APBB2: variants seen among roughly 807,000 people sequenced by gnomAD.
The protein encoded by APBB2 is Fe65-like 1.
Under a neutral mutation model 82.5 loss-of-function variants are expected in APBB2, and 38 were observed. The ratio of observed to expected loss-of-function variants is 0.46; its 90% CI spans 0.36 to 0.60. APBB2 has a LOEUF of 0.60. Among genes scored for constraint, APBB2 ranks in the 20% least tolerant of loss-of-function variants. APBB2 has a pLI of 0.00. For missense variants in APBB2, 772 were observed against 972.3 expected (o/e 0.79, Z 2.74); for synonymous variants, 341 against 368.2 (o/e 0.93, Z 0.85).
At chr4:41,063,457 G>A (rs1054805118) in intron 4 of APBB2, among the ~76,000 whole-genome samples, 6 of 152,164 alleles carry the variant, frequency 3.9e-5, no homozygotes, top group African/African-American at 1.4e-4. Context: ...GATAATTTCA[G>A]AGTAAATCTG....
At chr4:41,019,655 C>G (rs528874668) in intron 5 of APBB2, among the ~76,000 whole-genome samples, 2 of 152,102 alleles carry the variant, frequency 1.3e-5, no homozygotes, top group South Asian at 4.2e-4. Context: ...CTGGAGAAAG[C>G]AGGAAATCAG....
intron 7 of APBB2, among the ~76,000 whole-genome samples, chr4:40,937,417 A>G (rs547992745): frequency 4.6e-5 from 7 of 152,264 alleles, no homozygotes; most frequent in Non-Finnish European, 1.0e-4. Flanking sequence ...CTCTTTGGAC[A>G]TAAGGGTATC....
At chr4:40,835,709 C>T (rs1753679532) in intron 12 of APBB2, among the ~76,000 whole-genome samples, 1 of 152,176 alleles carries the variant, frequency 6.6e-6, no homozygotes, top group Admixed American at 6.5e-5. Context: ...ACAGGTGACC[C>T]CATGTGATTT....
chr4:40,964,990 CGT>C (rs1351384711), intron 6 of APBB2, among the ~76,000 whole-genome samples: 2 of 151,934 alleles, frequency 1.3e-5, no homozygotes, highest in Admixed American at 6.6e-5. Flanking sequence ...CGTGGTGGCA[CGT>C]GCCTGTAGTC....
At position 41,115,516 on chromosome 4, in the gene APBB2, T is replaced by C. The variant is rs545589184; in HGVS notation, c.-260-14766A>G. Among the ~76,000 whole-genome samples the C allele has an allele frequency of 7.0e-4, 107 of 152,228 alleles. 1 individual carries two copies. The highest frequency in any genetic ancestry group is 1.2e-3 in the South Asian group (6 of 4,826). ...AGAGCTTCTGCACAGCAAGGGAAAC[T>C]ATCATCAGAGTGAACAGGCAACCTA... is the stretch of plus-strand genomic sequence containing the variant. On this transcript the variant is annotated intron_variant, in intron 2 of 17. Transcript: ENST00000508593.
intron 12 of APBB2, among the ~76,000 whole-genome samples, chr4:40,849,945 A>C (rs1758813412): frequency 6.6e-6 from 1 of 152,052 alleles, no homozygotes; most frequent in African/African-American, 2.4e-5. Context: ...TCTGGTCTCA[A>C]ACTCCTGACC....
intron 3 of APBB2, among the ~76,000 whole-genome samples, chr4:41,075,046 C>A (rs567075623): frequency 3.3e-5 from 5 of 152,182 alleles, no homozygotes; most frequent in Non-Finnish European, 7.4e-5. Flanking sequence ...GGCAGGAGGA[C>A]TGCTTGAGCC....
chr4:40,989,724 G>A (rs1339158264), intron 6 of APBB2, among the ~76,000 whole-genome samples: 1 of 152,188 alleles, frequency 6.6e-6, no homozygotes, highest in African/African-American at 2.4e-5. Flanking sequence ...GCTGTCCCAA[G>A]CTTTAAGCTG....
intron 2 of APBB2, among the ~76,000 whole-genome samples, chr4:41,106,283 T>C (rs1747216848): frequency 6.6e-6 from 1 of 152,186 alleles, no homozygotes; most frequent in African/African-American, 2.4e-5. Flanking sequence ...ACTATCTCAT[T>C]TCCCTTTGTG....
rs1376964467 is a variant in APBB2 at position 40,814,731 on chromosome 4, T to C, written c.*1361A>G. On this transcript the variant is annotated 3_prime_UTR_variant, in exon 18 of 18. Coordinates refer to ENST00000508593, the MANE Select transcript of APBB2 (RefSeq NM_004307.2). ...GCAACTTCCTTTTAAAACGACAATG[T>C]CAACGAGAGTCTAAATTTGTATGTC... is the stretch of plus-strand genomic sequence containing the variant. The C allele has an allele frequency of 1.3e-5, 2 of 152,202 alleles. No homozygotes were observed. The highest frequency in any genetic ancestry group is 4.8e-5 in the African/African-American group (2 of 41,458). 9.4% of individuals were successfully genotyped at this position (152,202 alleles called of 1,614,324 possible).
At chr4:40,909,724 C>T (rs1778034772) in intron 10 of APBB2, among the ~76,000 whole-genome samples, 1 of 152,096 alleles carries the variant, frequency 6.6e-6, no homozygotes, top group Admixed American at 6.6e-5. Flanking sequence ...ATCTGATAAT[C>T]ACTTATAATC....
chr4:41,072,267 T>G (rs1308807710), intron 3 of APBB2, among the ~76,000 whole-genome samples: 1 of 152,186 alleles, frequency 6.6e-6, no homozygotes, highest in African/African-American at 2.4e-5. Context: ...GGGTTTAACC[T>G]GCCCATTAAA....
At chr4:41,161,568 C>T (rs1290252127) in intron 1 of APBB2, among the ~76,000 whole-genome samples, 4 of 152,002 alleles carry the variant, frequency 2.6e-5, no homozygotes, top group African/African-American at 7.3e-5. Flanking sequence ...ATTGTGCCAC[C>T]GCCCTCCAGC....
chr4:41,212,928 C>T (rs1209361061), intron 1 of APBB2, among the ~76,000 whole-genome samples: 1 of 152,156 alleles, frequency 6.6e-6, no homozygotes, highest in Non-Finnish European at 1.5e-5. Context: ...TGCTTACAAG[C>T]TACAAGTTGA....
At chr4:41,104,633 TC>T (rs1378891592) in intron 2 of APBB2, among the ~76,000 whole-genome samples, 3 of 152,158 alleles carry the variant, frequency 2.0e-5, no homozygotes, top group Non-Finnish European at 2.9e-5. Flanking sequence ...CTCACCCTCC[TC>T]CCACCCTTGG....
chr4:41,105,622 C>T (rs533752835), intron 2 of APBB2, among the ~76,000 whole-genome samples: 1 of 152,264 alleles, frequency 6.6e-6, no homozygotes, highest in South Asian at 2.1e-4. Context: ...CAGTGGCTCA[C>T]GCCTGTAATC....
At chr4:40,911,339 T>C (rs1439961311) in intron 10 of APBB2, among the ~76,000 whole-genome samples, 1 of 152,166 alleles carries the variant, frequency 6.6e-6, no homozygotes, top group Admixed American at 6.5e-5. Flanking sequence ...GCTTATGTTC[T>C]AAGGAATGTT....
At chr4:40,837,012 G>A (rs1033461037) in intron 12 of APBB2, among the ~76,000 whole-genome samples, 5 of 152,178 alleles carry the variant, frequency 3.3e-5, no homozygotes, top group Non-Finnish European at 5.9e-5. Context: ...GATGCTAAAG[G>A]CCACTGTGGT....
At chr4:40,984,466 A>G (rs1409160356) in intron 6 of APBB2, among the ~76,000 whole-genome samples, 1 of 152,086 alleles carries the variant, frequency 6.6e-6, no homozygotes, top group Non-Finnish European at 1.5e-5. Context: ...GGCCAAAGGA[A>G]CTCCTCCACC....
Sources: allele counts gnomAD v4.1 joint callset (sites outside exome capture counted in the v4.1 genomes callset), GRCh38; gene constraint gnomAD v4.1.1; transcripts MANE v1.5; gene names NCBI Gene and HGNC (gene_info 2026-07-23, HGNC 2026-07-21).